Variants in OTOA observed in about 807,000 individuals in gnomAD.
OTOA encodes the protein cancer/testis antigen 108.
OTOA carries 70 observed loss-of-function variants against 110.8 expected under a neutral mutation model. The ratio of observed to expected loss-of-function variants is 0.63; its 90% CI spans 0.52 to 0.77. OTOA has a LOEUF of 0.77. OTOA is among the 30% of genes least tolerant of loss of function. The probability of loss-of-function intolerance (pLI) is 0.00; values close to 1 mark genes in which losing one functional copy is unlikely to be tolerated. For synonymous variants in OTOA, 373 were observed against 431.5 expected, an observed-to-expected ratio of 0.86 and a Z score of 1.68; for missense variants, 917 against 1,075.8, an observed-to-expected ratio of 0.85 and a Z score of 2.06.
At chr16:21,672,109 C>G (rs1475009614) in intron 1 of OTOA, among the ~76,000 whole-genome samples, 1 of 152,020 alleles carries the variant, frequency 6.6e-6, no homozygotes, top group Non-Finnish European at 1.5e-5. Context: ...CCTAGATAAC[C>G]TAGAATCTAG....
In OTOA at chr16:21,730,734, T is replaced by C. The variant is rs1429339762; in HGVS notation, c.2208-103T>C. The C allele has an allele frequency of 7.9e-6, 7 of 886,278 alleles. No homozygotes were observed. The Admixed American group carries it at 1.4e-4, about 18-fold the overall frequency. 54.9% of individuals were successfully genotyped at this position (886,278 alleles called of 1,614,324 possible). On this transcript the variant is annotated intron_variant, in intron 20 of 28. Coordinates refer to ENST00000646100, the MANE Select transcript of OTOA (RefSeq NM_144672.4). ...AGTGGGACCATGTGATTGACATGAGTATAAGACAATCTATTCCTGAAAGAA... is the reference window on the plus strand; with the variant it reads ...AGTGGGACCATGTGATTGACATGAGCATAAGACAATCTATTCCTGAAAGAA...
chr16:21,708,751 G>A (rs1204764141), intron 12 of OTOA, among the ~76,000 whole-genome samples: 1 of 152,134 alleles, frequency 6.6e-6, no homozygotes, highest in Non-Finnish European at 1.5e-5. Context: ...TTGTGCACCT[G>A]CCTGAAATGA....
At chr16:21,691,790 T>G in intron 9 of OTOA, 103 bp downstream of exon 9, 1 of 1,084,298 alleles carries the variant, frequency 9.2e-7, no homozygotes. Flanking sequence ...TCTCTTCTGA[T>G]TTTTACCACC....
intron 12 of OTOA, among the ~76,000 whole-genome samples, chr16:21,706,633 AC>A (rs1321068102): frequency 6.6e-6 from 1 of 151,774 alleles, no homozygotes; most frequent in African/African-American, 2.4e-5. Context: ...TCTCAATTCT[AC>A]CCCCTTCCAT....
chr16:21,726,969 C>A, intron 19 of OTOA: 1 of 363,960 alleles, frequency 2.7e-6, no homozygotes. Flanking sequence ...GAGCCTCAGT[C>A]TTCTCATCTG....
At chr16:21,675,319 T>C (rs1227390799) in intron 1 of OTOA, among the ~76,000 whole-genome samples, 2 of 130,786 alleles carry the variant, frequency 1.5e-5, no homozygotes, top group African/African-American at 3.0e-5. Context: ...TTTTTTTTTT[T>C]TTTTTTTTTT....
intron 13 of OTOA, among the ~76,000 whole-genome samples, chr16:21,711,783 T>C (rs1289161296): frequency 1.3e-5 from 2 of 152,084 alleles, no homozygotes; most frequent in African/African-American, 4.8e-5. Context: ...GTCCTTCTCG[T>C]TTAGTCCACA....
chr16:21,712,744 C>T (rs1450807462), intron 13 of OTOA, among the ~76,000 whole-genome samples: 1 of 151,206 alleles, frequency 6.6e-6, no homozygotes, highest in Non-Finnish European at 1.5e-5. Flanking sequence ...ACTCGGGAGG[C>T]TGAGGCAGGA....
chr16:21,695,229 C>G (rs1415085513), intron 9 of OTOA, among the ~76,000 whole-genome samples: 7 of 145,944 alleles, frequency 4.8e-5, no homozygotes, highest in African/African-American at 1.3e-4. Context: ...GTGAGACCCC[C>G]CCCCCCCATA....
At position 21,705,440 on chromosome 16, in the gene OTOA, C is replaced by T. The variant is rs1035059940; in HGVS notation, c.1104+148C>T. 5.0e-6 allele frequency: 6 copies of T among 1,198,850 alleles called. No homozygotes were observed. The African/African-American group carries it at 6.0e-5, about 12-fold the overall frequency. 74.3% of individuals were successfully genotyped at this position (1,198,850 alleles called of 1,614,324 possible). On this transcript the variant is annotated intron_variant, in intron 12 of 28. Transcript: ENST00000646100. Reference sequence around the variant, plus strand: ...GTCACAGCAGATGGCATCTCAAATACTGAGGTAAGTGTAACATCGAAGCCC... The same window carrying T: ...GTCACAGCAGATGGCATCTCAAATATTGAGGTAAGTGTAACATCGAAGCCC...
chr16:21,688,042 G>T (rs1228025494), intron 8 of OTOA, among the ~76,000 whole-genome samples: 1 of 152,144 alleles, frequency 6.6e-6, no homozygotes, highest in Non-Finnish European at 1.5e-5. Context: ...TGGCAGCAGG[G>T]AGAAGACAAG....
chr16:21,725,430 G>A (rs1249480280), intron 18 of OTOA, among the ~76,000 whole-genome samples: 1 of 152,092 alleles, frequency 6.6e-6, no homozygotes, highest in Non-Finnish European at 1.5e-5. Context: ...AACCCCAGGT[G>A]TGCATGCCAC....
chr16:21,669,888 G>A (rs1966846786), intron 1 of OTOA, among the ~76,000 whole-genome samples: 1 of 152,134 alleles, frequency 6.6e-6, no homozygotes. Flanking sequence ...AGCTTTGGGA[G>A]GCTGAGGTGG....
chr16:21,717,838 C>T (rs557953197), intron 15 of OTOA, among the ~76,000 whole-genome samples: 2 of 152,172 alleles, frequency 1.3e-5, no homozygotes, highest in Non-Finnish European at 2.9e-5. Flanking sequence ...GACACAAATC[C>T]CTGTCTGTTC....
chr16:21,706,221 C>T (rs2141681825), intron 12 of OTOA, among the ~76,000 whole-genome samples: 1 of 152,362 alleles, frequency 6.6e-6, no homozygotes, highest in African/African-American at 2.4e-5. Flanking sequence ...CCATCTTCCT[C>T]TTCTTCCTCC....
At position 21,736,373 on chromosome 16, in the gene OTOA, G is replaced by T; in HGVS notation, c.2414G>T (p.Ser805Ile). The change falls in exon 22 of 29, where the codon AGC (serine) becomes ATC (isoleucine). Residue 805 changes from serine (S) to isoleucine (I), a missense_variant. By Grantham distance (142) the Ser-to-Ile change is moderately radical. This residue lies in a region of OTOA where 57 missense variants were observed against 59.7 expected (regional missense o/e 0.96). Coordinates refer to ENST00000646100, the MANE Select transcript of OTOA (RefSeq NM_144672.4). The stretch of plus-strand genomic sequence containing the variant: ...CGGAACAGCAGTGATAAGATCCCCA[G>T]CTATGACCCTATGCCTGGTGAGTGT... ...SVRNSSDKIPSYDPMPGCHGV... is the reference protein window; with the variant it reads ...SVRNSSDKIPIYDPMPGCHGV... The T allele has an allele frequency of 1.2e-6, 2 of 1,614,156 alleles. No individual in the cohort carries two copies. The highest frequency in any genetic ancestry group is 1.7e-6 in the Non-Finnish European group (2 of 1,180,034).
chr16:21,700,924 C>A lies in OTOA; in HGVS notation c.877C>A (p.Gln293Lys). 6.2e-7 allele frequency: 1 copy of A among 1,614,078 alleles called. No individual in the cohort carries two copies. Among genetic ancestry groups the A allele is most frequent in the South Asian group, 1.1e-5 (1 of 91,074 alleles). The change falls in exon 11 of 29, where the codon CAG becomes AAG. Residue 293 changes from glutamine to lysine, a missense_variant. Coordinates refer to ENST00000646100, the MANE Select transcript of OTOA (RefSeq NM_144672.4). The part of the protein sequence containing the change: ...LFISYDNATK[Q>K]LDMVYDITPE... ...TATCAGCTATGACAACGCCACCAAGCAGCTGGACATGGTCTATGACATCAC... is the reference window on the plus strand; with the variant it reads ...TATCAGCTATGACAACGCCACCAAGAAGCTGGACATGGTCTATGACATCAC...
At chr16:21,689,899 T>C (rs1251929513) in intron 8 of OTOA, among the ~76,000 whole-genome samples, 2 of 152,130 alleles carry the variant, frequency 1.3e-5, no homozygotes, top group Admixed American at 6.6e-5. Context: ...TTGGTCAGGC[T>C]GGTCTCAAAC....
At chr16:21,725,775 TG>T (rs1282368454) in intron 18 of OTOA, among the ~76,000 whole-genome samples, 1 of 152,220 alleles carries the variant, frequency 6.6e-6, no homozygotes. Context: ...TCTCAACTTT[TG>T]TTAATGCCTT....
Sources: allele counts gnomAD v4.1 joint callset (sites outside exome capture counted in the v4.1 genomes callset), GRCh38; gene constraint gnomAD v4.1.1; regional missense constraint gnomAD v4.1.1; transcripts MANE v1.5; gene names NCBI Gene and HGNC (gene_info 2026-07-23, HGNC 2026-07-21).